TADA2A: variants seen among roughly 807,000 people sequenced by gnomAD.
The protein encoded by TADA2A is transcriptional adaptor 2A.
A neutral mutation model predicts 67.4 loss-of-function variants in TADA2A; 38 were observed. That is an observed-to-expected ratio of 0.56 (90% CI 0.44 to 0.74). The LOEUF is 0.74. Among genes scored for constraint, TADA2A ranks in the 30% least tolerant of loss-of-function variants. The probability of loss-of-function intolerance (pLI) is 0.00; values close to 1 mark genes in which losing one functional copy is unlikely to be tolerated. For missense variants in TADA2A, 454 were observed against 547.0 expected, an observed-to-expected ratio of 0.83 and a Z score of 1.70; for synonymous variants, 192 against 181.6, an observed-to-expected ratio of 1.06 and a Z score of -0.46.
At chr17:37,411,428 T>C in intron 2 of TADA2A, 38 bp downstream of exon 2, 1 of 1,597,534 alleles carries the variant, frequency 6.3e-7, no homozygotes, top group Non-Finnish European at 8.6e-7. Flanking sequence ...TGACTTATTA[T>C]TATTTTTTTT....
chr17:37,415,898 T>C (rs1158201105), intron 2 of TADA2A, among the ~76,000 whole-genome samples: 1 of 148,526 alleles, frequency 6.7e-6, no homozygotes, highest in Non-Finnish European at 1.5e-5. Flanking sequence ...AAAAAGTGTC[T>C]ATATTCCCAC....
At chr17:37,467,146 C>G (rs2053681808) in intron 11 of TADA2A, among the ~76,000 whole-genome samples, 3 of 151,980 alleles carry the variant, frequency 2.0e-5, no homozygotes, top group Admixed American at 2.0e-4. Context: ...GAGCGAGACT[C>G]TGTCTCAAAA....
In TADA2A at chr17:37,411,430, A is replaced by T. The variant is rs370861220; in HGVS notation, c.25+40A>T. On this transcript the variant is annotated intron_variant, in intron 2 of 15. Coordinates refer to ENST00000615182, the MANE Select transcript of TADA2A (RefSeq NM_001166105.3). ...AACAAGTCTCAGGTGACTTATTATT[A>T]TTTTTTTTTTGAGATGGACTCTCCC... The T allele has an allele frequency of 1.2e-3, 1,750 of 1,461,506 alleles. 9 individuals are homozygous for T. Among genetic ancestry groups the T allele is most frequent in the South Asian group, 0.012 (939 of 80,716 alleles). The allele number at this position is 1,461,506 out of a possible 1,614,324, so 90.5% of individuals were successfully genotyped here. A position where few individuals can be genotyped will look rare whatever the true frequency, so the allele number is the denominator to read the frequency against.
chr17:37,422,193 G>GCAC (rs2052258114), intron 2 of TADA2A, among the ~76,000 whole-genome samples: 1 of 145,352 alleles, frequency 6.9e-6, no homozygotes, highest in South Asian at 2.2e-4. Flanking sequence ...TTACAGGTGT[G>GCAC]CACCACCACA....
intron 8 of TADA2A, among the ~76,000 whole-genome samples, chr17:37,453,844 C>T (rs1325631790): frequency 2.2e-5 from 3 of 133,768 alleles, no homozygotes; most frequent in African/African-American, 8.5e-5. Flanking sequence ...GATCTCGGCT[C>T]ACTGCAACCT....
Position 37,474,643 on chromosome 17 carries a change from G to A in TADA2A, c.1146+14G>A. On this transcript the variant is annotated intron_variant, in intron 15 of 15. Coordinates refer to ENST00000615182, the MANE Select transcript of TADA2A (RefSeq NM_001166105.3). Reference sequence around the variant, plus strand: ...AAAGAAAAGGAGGTAACAAAAGGGAGGGGGCTGGGAGAAAGAGAATAGGGG... The same window carrying A: ...AAAGAAAAGGAGGTAACAAAAGGGAAGGGGCTGGGAGAAAGAGAATAGGGG... 1.2e-6 allele frequency: 2 copies of A among 1,606,458 alleles called. No individual in the cohort carries two copies. The highest frequency in any genetic ancestry group is 1.7e-6 in the Non-Finnish European group (2 of 1,175,610).
At chr17:37,411,428 TTA>T in intron 2 of TADA2A, 38 bp downstream of exon 2, 1 of 1,597,516 alleles carries the variant, frequency 6.3e-7, no homozygotes, top group Non-Finnish European at 8.6e-7. Flanking sequence ...TGACTTATTA[TTA>T]TTTTTTTTTT....
rs577583815 is a variant in TADA2A, at chr17:37,413,056, A to G, written c.25+1666A>G. On this transcript the variant is annotated intron_variant, in intron 2 of 15. Coordinates refer to ENST00000615182, the MANE Select transcript of TADA2A (RefSeq NM_001166105.3). ...AATTCTCCGTCTCAGCCTCCCGAGT[A>G]GCTGGGAGTATAGGCGTCTGCCACC... Among the ~76,000 whole-genome samples the G allele has an allele frequency of 3.9e-5, 6 of 152,020 alleles. No individual in the cohort carries two copies. In the South Asian group the frequency reaches 1.2e-3, roughly 32 times the overall value.
chr17:37,434,380 A>C (rs1220940659), intron 4 of TADA2A, among the ~76,000 whole-genome samples: 1 of 152,240 alleles, frequency 6.6e-6, no homozygotes, highest in Non-Finnish European at 1.5e-5. Context: ...GGGAAGGGGT[A>C]CGGAGCTTTC....
intron 4 of TADA2A, among the ~76,000 whole-genome samples, chr17:37,433,222 G>A (rs1225558528): frequency 6.6e-6 from 1 of 151,908 alleles, no homozygotes; most frequent in African/African-American, 2.4e-5. Flanking sequence ...CAGAGTGCTA[G>A]GATTACAGGT....
chr17:37,412,255 C>T (rs985739326), intron 2 of TADA2A, among the ~76,000 whole-genome samples: 17 of 150,734 alleles, frequency 1.1e-4, no homozygotes, highest in Non-Finnish European at 2.2e-4. Context: ...CTGAGATGGA[C>T]CAGGCATATT....
chr17:37,426,059 C>T (rs977488060), intron 3 of TADA2A, among the ~76,000 whole-genome samples: 3 of 151,992 alleles, frequency 2.0e-5, no homozygotes, highest in South Asian at 2.1e-4. Flanking sequence ...ACTGCAGCCT[C>T]GACCTCCTGG....
intron 4 of TADA2A, among the ~76,000 whole-genome samples, chr17:37,432,174 A>T (rs58355481): frequency 0.044 from 6,415 of 146,250 alleles, 307 homozygotes; most frequent in African/African-American, 0.12. Context: ...TTATTTATTT[A>T]TTTTTTTTTT....
At position 37,475,810 on chromosome 17, in the gene TADA2A, A is replaced by C. The variant is rs78161255; in HGVS notation, c.1147-987A>C. 7.4e-3 allele frequency among the ~76,000 whole-genome samples: 1,132 copies of C among 152,342 alleles called. 6 individuals are homozygous for C. Among genetic ancestry groups the C allele is most frequent in the African/African-American group, 0.025 (1,060 of 41,582 alleles). ...TACTTTTTCCAGTTGCAATCATCAG[A>C]CATGTCTTCATATTGATTTTATCTG... On this transcript the variant is annotated intron_variant, in intron 15 of 15. Coordinates refer to ENST00000615182, the MANE Select transcript of TADA2A (RefSeq NM_001166105.3).
intron 10 of TADA2A, among the ~76,000 whole-genome samples, chr17:37,462,429 CCATCCTGG>C (rs900397211): frequency 2.0e-5 from 3 of 151,912 alleles, no homozygotes; most frequent in Admixed American, 2.0e-4. Context: ...GAGATCAAGA[CCATCCTGG>C]CTAACATGGT....
rs190151833 is a variant in TADA2A, at chr17:37,435,413, C to G, written c.193-2325C>G. Among the ~76,000 whole-genome samples the G allele has an allele frequency of 9.5e-3, 1,450 of 152,164 alleles. 16 individuals are homozygous for G. Among genetic ancestry groups the G allele is most frequent in the Non-Finnish European group, 0.015 (1,018 of 68,000 alleles). On this transcript the variant is annotated intron_variant, in intron 4 of 15. Coordinates refer to ENST00000615182, the MANE Select transcript of TADA2A (RefSeq NM_001166105.3). ...ACGCCATTCTCCTGCCTCAGCCTCC[C>G]GAGCAGCTGGGACTACAGGCACCTG...
chr17:37,408,661 GGGAGTGA>G (rs2147886821), intron 1 of TADA2A: 1 of 152,322 alleles, frequency 6.6e-6, no homozygotes, highest in South Asian at 2.1e-4. Context: ...CCAAAAGTGT[GGGAGTGA>G]GGATTCAAAG....
intron 14 of TADA2A, among the ~76,000 whole-genome samples, chr17:37,473,415 G>C (rs887454192): frequency 6.6e-6 from 1 of 152,102 alleles, no homozygotes; most frequent in Non-Finnish European, 1.5e-5. Flanking sequence ...TTGTAGCCTA[G>C]CCTCTGGTGA....
intron 3 of TADA2A, 83 bp from the exon 4 acceptor site, chr17:37,426,867 C>G: frequency 5.8e-6 from 8 of 1,375,458 alleles, no homozygotes; most frequent in Non-Finnish European, 7.9e-6. Context: ...TTTAAAAACC[C>G]AAACTTGTCA....
Sources: gnomAD v4.1 joint callset for allele counts (sites outside exome capture counted in the v4.1 genomes callset) on GRCh38, gnomAD v4.1.1 for gene constraint, MANE v1.5 for transcripts, NCBI Gene and HGNC (gene_info 2026-07-23, HGNC 2026-07-21) for gene names.